The following SPMIP2 variants were observed in gnomAD, a reference collection of about 807,000 sequenced individuals.
SPMIP2 encodes the protein protein SPMIP2.
At chr4:159,041,010 A>G in the SPMIP2 span, among the ~76,000 whole-genome samples, 5 of 152,166 alleles carry the variant, frequency 3.3e-5, no homozygotes, top group Admixed American at 3.3e-4. Flanking sequence ...TGGTCTCATC[A>G]TGCTTCCCCT....
the SPMIP2 span, among the ~76,000 whole-genome samples, chr4:159,055,650 C>T: frequency 1.3e-5 from 2 of 152,030 alleles, no homozygotes; most frequent in Non-Finnish European, 2.9e-5. Context: ...GTTGAAGCTG[C>T]AGTGAGACAA....
chr4:158,914,021 A>G, the SPMIP2 span, among the ~76,000 whole-genome samples: 2 of 152,214 alleles, frequency 1.3e-5, no homozygotes, highest in Admixed American at 6.5e-5. Flanking sequence ...CATGCTCTAC[A>G]AATTTGAAAT....
At chr4:158,982,565 A>G in the SPMIP2 span, among the ~76,000 whole-genome samples, 1 of 152,364 alleles carries the variant, frequency 6.6e-6, no homozygotes, top group East Asian at 1.9e-4. Context: ...CAGGATTAAG[A>G]AACTCACTCA....
chr4:158,982,675 T>C, the SPMIP2 span, among the ~76,000 whole-genome samples: 105 of 152,158 alleles, frequency 6.9e-4, no homozygotes, highest in African/African-American at 2.1e-3. Context: ...TTGAAACCAA[T>C]GAGAACAAAG....
At chr4:158,946,544 A>G in the SPMIP2 span, among the ~76,000 whole-genome samples, 2 of 152,096 alleles carry the variant, frequency 1.3e-5, no homozygotes, top group Non-Finnish European at 2.9e-5. Context: ...TTCTGCCACC[A>G]TGTAAGGTAT....
the SPMIP2 span, among the ~76,000 whole-genome samples, chr4:158,967,142 T>C: frequency 3.3e-5 from 5 of 152,234 alleles, no homozygotes; most frequent in Admixed American, 3.3e-4. Context: ...TCTGGAAATT[T>C]AGATATAAGT....
chr4:159,022,964 A>C, the SPMIP2 span, among the ~76,000 whole-genome samples: 2 of 152,032 alleles, frequency 1.3e-5, no homozygotes, highest in African/African-American at 4.8e-5. Context: ...AGAAATTCGG[A>C]GGTTGCAGTG....
the SPMIP2 span, among the ~76,000 whole-genome samples, chr4:159,019,296 CAAAA>C: frequency 1.0e-5 from 1 of 100,240 alleles, no homozygotes; most frequent in South Asian, 3.8e-4. Flanking sequence ...GACTCCGTCT[CAAAA>C]AAAAAAAAAA....
At chr4:159,066,621 AG>A in the SPMIP2 span, among the ~76,000 whole-genome samples, 337 of 24,200 alleles carry the variant, frequency 0.014, 1 homozygote, top group Middle Eastern at 0.075. Flanking sequence ...ATATATATAT[AG>A]TATTAAAGGG....
chr4:158,956,821 G>A, the SPMIP2 span, among the ~76,000 whole-genome samples: 2 of 152,154 alleles, frequency 1.3e-5, no homozygotes, highest in African/African-American at 4.8e-5. Context: ...CCTTTCCCCT[G>A]GCCCCAGCTC....
the SPMIP2 span, among the ~76,000 whole-genome samples, chr4:159,057,953 C>T: frequency 6.6e-6 from 1 of 152,090 alleles, no homozygotes; most frequent in Non-Finnish European, 1.5e-5. Context: ...CAGCCTCAAC[C>T]TCCCAGGCTC....
At chr4:158,979,798 T>TTG in the SPMIP2 span, among the ~76,000 whole-genome samples, 1 of 145,834 alleles carries the variant, frequency 6.9e-6, no homozygotes, top group African/African-American at 2.6e-5. Flanking sequence ...AGTTTTTTTT[T>TTG]TTTTTTTTTT....
chr4:158,974,211 TTAAAAG>T, the SPMIP2 span, among the ~76,000 whole-genome samples: 1 of 125,208 alleles, frequency 8.0e-6, no homozygotes, highest in African/African-American at 3.0e-5. Context: ...TATTTGTATT[TTAAAAG>T]TAAAACAATG....
the SPMIP2 span, among the ~76,000 whole-genome samples, chr4:158,902,340 C>T: frequency 1.2e-4 from 19 of 152,324 alleles, no homozygotes; most frequent in African/African-American, 4.3e-4. Context: ...AGATTGCTGC[C>T]TGTTCCTTCC....
At chr4:158,907,395 T>G in the SPMIP2 span, 2 of 152,212 alleles carry the variant, frequency 1.3e-5, no homozygotes, top group Non-Finnish European at 2.9e-5. Context: ...TTGCAACTTT[T>G]TAAACTTAAC....
chr4:159,025,605 T>C, the SPMIP2 span, among the ~76,000 whole-genome samples: 1 of 152,162 alleles, frequency 6.6e-6, no homozygotes, highest in Non-Finnish European at 1.5e-5. Flanking sequence ...GGAAATAAGG[T>C]GTACTTGGTT....
chr4:158,921,882 T>G, the SPMIP2 span, among the ~76,000 whole-genome samples: 1 of 121,254 alleles, frequency 8.2e-6, no homozygotes, highest in African/African-American at 2.9e-5. Context: ...TCCTTCTACA[T>G]ACTTTTTTTT....
At chr4:159,063,700 G>A in the SPMIP2 span, among the ~76,000 whole-genome samples, 2 of 151,846 alleles carry the variant, frequency 1.3e-5, no homozygotes, top group African/African-American at 4.8e-5. Context: ...ATCAAAAGAC[G>A]GCCGAAAGCG....
the SPMIP2 span, among the ~76,000 whole-genome samples, chr4:158,977,638 G>T: frequency 0.025 from 2,354 of 92,400 alleles, 42 homozygotes; most frequent in Non-Finnish European, 0.039. Context: ...TCTTTGAGAC[G>T]GAGTCTCGCT....
Sources: gnomAD v4.1 joint callset for allele counts (sites outside exome capture counted in the v4.1 genomes callset) on GRCh38, gnomAD v4.1.1 for gene constraint, MANE v1.5 for transcripts, NCBI Gene and HGNC (gene_info 2026-07-23, HGNC 2026-07-21) for gene names.